Variants in MOK observed in about 807,000 individuals in gnomAD.
MOK encodes MAPK/MAK/MRK overlapping kinase.
MOK carries 59 observed loss-of-function variants against 54.2 expected under a neutral mutation model. That is an observed-to-expected ratio of 1.09 (90% CI 0.88 to 1.35). MOK has a LOEUF of 1.35. Among genes scored for constraint, MOK ranks in the 40% most tolerant of loss-of-function variants. The pLI is 0.00. For missense variants in MOK, 517 were observed against 526.2 expected (o/e 0.98, Z 0.17); for synonymous variants, 210 against 202.7 (o/e 1.04, Z -0.31).
downstream of MOK, chr14:102,222,984 C>CAGGCGGTGGACGT: frequency 3.4e-6 from 5 of 1,466,298 alleles, no homozygotes; most frequent in Non-Finnish European, 4.7e-6. The surrounding 1 kb of genome is among the most constrained non-coding windows in gnomAD (Gnocchi z 4.4). Flanking sequence ...CGGCGGACCT[C>CAGGCGGTGGACGT]AGGCGGTGGA....
At position 102,263,630 on chromosome 14, in the gene MOK, C is replaced by T; in HGVS notation, c.213-14G>A. On this transcript the variant is annotated splice_polypyrimidine_tract_variant and intron_variant, in intron 3 of 11. Transcript: ENST00000361847. ...GATTTTCTGTCACTGAAGAAGAAAG[C>T]AAGTTTTTAAAATAAATTTTCTGGC... The T allele has an allele frequency of 6.3e-7, 1 of 1,579,474 alleles. No homozygotes were observed. Among genetic ancestry groups the T allele is most frequent in the East Asian group, 2.2e-5 (1 of 44,492 alleles).
intron 1 of MOK, among the ~76,000 whole-genome samples, chr14:102,302,257 G>C (rs2072302720): frequency 6.7e-6 from 1 of 149,618 alleles, no homozygotes; most frequent in African/African-American, 2.5e-5. Context: ...ATTTTTAGTA[G>C]AGACGGGGTT....
downstream of MOK, chr14:102,228,744 C>G (rs1200719577): frequency 6.8e-6 from 1 of 146,052 alleles, no homozygotes; most frequent in African/African-American, 2.5e-5. Flanking sequence ...GTCTTCCCAA[C>G]AAAATCAATT....
At chr14:102,289,791 G>A (rs1194896268) in intron 1 of MOK, among the ~76,000 whole-genome samples, 1 of 152,122 alleles carries the variant, frequency 6.6e-6, no homozygotes, top group African/African-American at 2.4e-5. Flanking sequence ...ATAGGCGTGA[G>A]CCACTGCACC....
At chr14:102,246,883 G>A (rs1400716161) in intron 7 of MOK, among the ~76,000 whole-genome samples, 1 of 151,376 alleles carries the variant, frequency 6.6e-6, no homozygotes, top group Non-Finnish European at 1.5e-5. Context: ...TCCAAACTGT[G>A]CAACTTACAC....
chr14:102,224,256 G>T (rs543243097), downstream of MOK, among the ~76,000 whole-genome samples: 1 of 151,910 alleles, frequency 6.6e-6, no homozygotes, highest in East Asian at 1.9e-4. Flanking sequence ...TAGCCAGGAT[G>T]GTCTCGATCT....
At position 102,229,011 on chromosome 14, in the gene MOK, A is replaced by G; in HGVS notation, c.*278T>C. On this transcript the variant is annotated 3_prime_UTR_variant, in exon 12 of 12. Transcript: ENST00000361847. ...CCTGCTCGTTTGTTTTGATTCATAT[A>G]CAAAGTTACAAAGTATTTCCTGCCC... The G allele has an allele frequency of 4.3e-6, 2 of 469,790 alleles. No homozygotes were observed. Among genetic ancestry groups the G allele is most frequent in the East Asian group, 6.9e-5 (2 of 29,196 alleles). The allele number at this position is 469,790 out of a possible 1,614,324, so 29.1% of individuals were successfully genotyped here. A position where few individuals can be genotyped will look rare whatever the true frequency, so the allele number is the denominator to read the frequency against.
chr14:102,283,279 C>A (rs1052373573), intron 2 of MOK, 199 bp downstream of exon 2: 6 of 420,758 alleles, frequency 1.4e-5, no homozygotes, highest in Non-Finnish European at 2.5e-5. Context: ...TCATTCATCA[C>A]TGATATTACA....
At chr14:102,224,362 G>C (rs887916000), downstream of MOK, 6 of 345,554 alleles carry the variant, frequency 1.7e-5, no homozygotes, top group South Asian at 6.9e-5. Context: ...TTTCTTACTT[G>C]GTTGAAACCA....
intron 3 of MOK, among the ~76,000 whole-genome samples, chr14:102,265,514 C>G (rs931820351): frequency 5.3e-5 from 8 of 152,104 alleles, no homozygotes; most frequent in African/African-American, 1.9e-4. Flanking sequence ...TGCCTGTGAT[C>G]CCAGCTACTC....
downstream of MOK, chr14:102,222,892 C>G (rs2064082540): frequency 1.2e-6 from 2 of 1,614,024 alleles, no homozygotes; most frequent in African/African-American, 2.7e-5. The surrounding 1 kb of genome is among the most constrained non-coding windows in gnomAD (Gnocchi z 4.4). Context: ...AGCGACCTCA[C>G]TGCTGCGCGC....
chr14:102,227,353 G>A (rs1307187771), downstream of MOK, among the ~76,000 whole-genome samples: 6 of 124,260 alleles, frequency 4.8e-5, no homozygotes, highest in African/African-American at 1.9e-4. Context: ...CATCTCCCCA[G>A]CCTTCTGTCC....
chr14:102,223,874 C>T (rs1315802137), downstream of MOK, among the ~76,000 whole-genome samples: 4 of 152,048 alleles, frequency 2.6e-5, no homozygotes, highest in African/African-American at 9.7e-5. Context: ...CTGTCTGTGG[C>T]CACTGTGGGC....
At chr14:102,253,018 A>G (rs914521423) in intron 4 of MOK, among the ~76,000 whole-genome samples, 5 of 152,240 alleles carry the variant, frequency 3.3e-5, no homozygotes, top group African/African-American at 1.2e-4. Context: ...GCCCCGGGCG[A>G]GTCAGCTCTA....
intron 7 of MOK, among the ~76,000 whole-genome samples, chr14:102,248,037 G>A (rs1464488962): frequency 6.6e-6 from 1 of 152,144 alleles, no homozygotes; most frequent in Non-Finnish European, 1.5e-5. Context: ...AATACCAACA[G>A]CTCCAAGAAC....
chr14:102,285,082 CAAAAAAA>C (rs34015643), intron 1 of MOK, among the ~76,000 whole-genome samples: 4 of 65,996 alleles, frequency 6.1e-5, no homozygotes, highest in African/African-American at 1.8e-4. Flanking sequence ...GATGTCATCT[CAAAAAAA>C]AAAAAAAAAA....
At chr14:102,227,331 C>G (rs368817465), downstream of MOK, among the ~76,000 whole-genome samples, 1 of 151,638 alleles carries the variant, frequency 6.6e-6, no homozygotes, top group African/African-American at 2.4e-5. Context: ...TGCGCGCCGC[C>G]CCCCCTACAG....
At chr14:102,233,582 AG>A (rs2064941888) in intron 8 of MOK, 105 bp downstream of exon 8, 1 of 914,674 alleles carries the variant, frequency 1.1e-6, no homozygotes, top group Admixed American at 2.1e-5. Context: ...AGTCAGCCAA[AG>A]GAGCTCCTGA....
At chr14:102,300,108 G>A (rs888975857) in intron 1 of MOK, among the ~76,000 whole-genome samples, 1 of 151,992 alleles carries the variant, frequency 6.6e-6, no homozygotes, top group African/African-American at 2.4e-5. Flanking sequence ...CAGATTGCCT[G>A]AGGTCAGGAG....
Sources: gnomAD v4.1 joint callset for allele counts (sites outside exome capture counted in the v4.1 genomes callset) on GRCh38, gnomAD v4.1.1 for gene constraint, Gnocchi (gnomAD v3.1) non-coding constraint, MANE v1.5 for transcripts, NCBI Gene and HGNC (gene_info 2026-07-23, HGNC 2026-07-21) for gene names.